Variants in GALNT7 observed in about 807,000 individuals in gnomAD.
GALNT7 encodes the protein N-acetylgalactosaminyltransferase 7.
GALNT7 carries 60 observed loss-of-function variants against 82.1 expected under a neutral mutation model. The observed-to-expected ratio is 0.73, with a 90% CI of 0.59 to 0.91. The LOEUF is 0.91. GALNT7 is among the 40% of genes least tolerant of loss of function. GALNT7 has a pLI of 0.00. For missense variants in GALNT7, 660 were observed against 804.2 expected, an observed-to-expected ratio of 0.82 and a Z score of 2.17; for synonymous variants, 243 against 275.1, an observed-to-expected ratio of 0.88 and a Z score of 1.15.
At chr4:173,239,409 G>A (rs576362635) in intron 1 of GALNT7, among the ~76,000 whole-genome samples, 2 of 152,184 alleles carry the variant, frequency 1.3e-5, no homozygotes, top group African/African-American at 4.8e-5. Flanking sequence ...CTAGGTACTC[G>A]GGACACACAG....
intron 1 of GALNT7, among the ~76,000 whole-genome samples, chr4:173,171,514 TAC>T (rs1413377910): frequency 6.6e-6 from 1 of 152,258 alleles, no homozygotes; most frequent in African/African-American, 2.4e-5. Context: ...GAATATGTCA[TAC>T]ACTAAATTCT....
intron 1 of GALNT7, among the ~76,000 whole-genome samples, chr4:173,182,661 T>TACACACACAC (rs60501649): frequency 1.5e-3 from 200 of 133,528 alleles, no homozygotes; most frequent in East Asian, 8.7e-3. Flanking sequence ...TTACTCATAA[T>TACACACACAC]ACACACACAC....
chr4:173,178,287 AG>A (rs1732136090), intron 1 of GALNT7, among the ~76,000 whole-genome samples: 1 of 152,130 alleles, frequency 6.6e-6, no homozygotes, highest in African/African-American at 2.4e-5. Context: ...ATTTGACTGA[AG>A]GATATTAAAA....
chr4:173,281,507 T>C (rs1400079817), intron 2 of GALNT7, among the ~76,000 whole-genome samples: 2 of 152,100 alleles, frequency 1.3e-5, no homozygotes, highest in Admixed American at 1.3e-4. Context: ...TCTCAACTCT[T>C]AGCTACCATC....
chr4:173,268,489 G>A (rs1735589023), intron 2 of GALNT7, among the ~76,000 whole-genome samples: 1 of 144,810 alleles, frequency 6.9e-6, no homozygotes, highest in Non-Finnish European at 1.5e-5. Flanking sequence ...AAAATCTGTG[G>A]CACCAAACAA....
rs147640815 is a variant in GALNT7, at chr4:173,315,622, T to G, written c.1608+1446T>G. Among the ~76,000 whole-genome samples, 7 of 152,292 alleles carry G rather than the reference T, an allele frequency of 4.6e-5. No individual in the cohort carries two copies. The East Asian group carries it at 1.3e-3, about 29-fold the overall frequency. Reference sequence around the variant, plus strand: ...AAAAACCAACAGAGGACACTCATGCTGCTCTCTCTGTACTTCTTGCTTTAA... The same window carrying G: ...AAAAACCAACAGAGGACACTCATGCGGCTCTCTCTGTACTTCTTGCTTTAA... On this transcript the variant is annotated intron_variant, in intron 9 of 11. Transcript: ENST00000265000.
intron 1 of GALNT7, among the ~76,000 whole-genome samples, chr4:173,216,727 A>ATGTTTTTTTTT (rs71244915): frequency 7.7e-5 from 1 of 12,982 alleles, no homozygotes; most frequent in Non-Finnish European, 1.4e-4. Flanking sequence ...ATATATATAT[A>ATGTTTTTTTTT]TTTTTTTTTT....
At chr4:173,179,390 T>A (rs1732175806) in intron 1 of GALNT7, among the ~76,000 whole-genome samples, 1 of 152,222 alleles carries the variant, frequency 6.6e-6, no homozygotes, top group African/African-American at 2.4e-5. Context: ...TGCTTATAAT[T>A]CTAGCATTTT....
intron 8 of GALNT7, among the ~76,000 whole-genome samples, chr4:173,308,912 A>G (rs1737268398): frequency 6.6e-6 from 1 of 152,214 alleles, no homozygotes. Flanking sequence ...CAAAAAAACA[A>G]AAAAATAGAG....
At chr4:173,174,996 C>T (rs1297916201) in intron 1 of GALNT7, among the ~76,000 whole-genome samples, 1 of 152,072 alleles carries the variant, frequency 6.6e-6, no homozygotes, top group African/African-American at 2.4e-5. Context: ...AAATAATTCA[C>T]GAATGAAAAG....
chr4:173,243,869 T>C (rs1156951740), intron 1 of GALNT7, among the ~76,000 whole-genome samples: 2 of 152,332 alleles, frequency 1.3e-5, no homozygotes, highest in Non-Finnish European at 2.9e-5. Flanking sequence ...TTTTGTATTT[T>C]CCATTCTTTA....
chr4:173,280,122 C>G (rs1415879530), intron 2 of GALNT7, among the ~76,000 whole-genome samples: 1 of 152,092 alleles, frequency 6.6e-6, no homozygotes, highest in African/African-American at 2.4e-5. Flanking sequence ...CTTGAGACTC[C>G]TAGTGAATGG....
intron 1 of GALNT7, among the ~76,000 whole-genome samples, chr4:173,227,355 A>T (rs996382418): frequency 2.0e-5 from 3 of 152,100 alleles, no homozygotes; most frequent in Admixed American, 2.0e-4. Flanking sequence ...GTTTTGAGAC[A>T]GTGTCTCGCT....
chr4:173,219,953 T>A (rs571442952), intron 1 of GALNT7, among the ~76,000 whole-genome samples: 2 of 152,366 alleles, frequency 1.3e-5, no homozygotes, highest in South Asian at 4.1e-4. Context: ...GTCTGTTTAC[T>A]CTGCTAATTA....
chr4:173,292,719 A>G lies in GALNT7; in HGVS notation c.754+445A>G, dbSNP rs1579996475. Among the ~76,000 whole-genome samples the G allele has an allele frequency of 1.3e-5, 2 of 152,202 alleles. No individual in the cohort carries two copies. The highest frequency in any genetic ancestry group is 4.8e-5 in the African/African-American group (2 of 41,458). The stretch of plus-strand genomic sequence containing the variant: ...GACATGATTAGAATCTTGAAACTGT[A>G]CACATATGTTAGCACGAATAAATAG... On this transcript the variant is annotated intron_variant, in intron 3 of 11. Transcript: ENST00000265000. The surrounding 1 kb of genome is among the most constrained non-coding windows in gnomAD (Gnocchi z 4.8).
chr4:173,302,125 C>T lies in GALNT7; in HGVS notation c.1227C>T (p.Leu409=), dbSNP rs1053902601. 5.1e-6 allele frequency: 8 copies of T among 1,580,360 alleles called. No individual in the cohort carries two copies. Among genetic ancestry groups the T allele is most frequent in the Non-Finnish European group, 7.0e-6 (8 of 1,149,410 alleles). The change falls in exon 7 of 12, where the codon CTC becomes CTT. Residue 409 remains leucine, a synonymous_variant. Coordinates refer to ENST00000265000, the MANE Select transcript of GALNT7 (RefSeq NM_017423.3). The surrounding 1 kb of genome is among the most constrained non-coding windows in gnomAD (Gnocchi z 4.2). ...AATTGGGTCTCTATGATCCAGGTCTCCAGATTTGGGGTGGTGAAAACTTTG... is the reference window on the plus strand; with the variant it reads ...AATTGGGTCTCTATGATCCAGGTCTTCAGATTTGGGGTGGTGAAAACTTTG... ...FFELGLYDPG[L]QIWGGENFEI... is the part of the protein sequence containing the mutation.
chr4:173,314,267 T>C, intron 9 of GALNT7, 91 bp downstream of exon 9: 2 of 907,034 alleles, frequency 2.2e-6, no homozygotes, highest in Non-Finnish European at 3.6e-6. Flanking sequence ...GGAAGTATTC[T>C]TGGGGAAAAG....
At chr4:173,195,350 G>T (rs148914986) in intron 1 of GALNT7, among the ~76,000 whole-genome samples, 3 of 151,988 alleles carry the variant, frequency 2.0e-5, no homozygotes, top group African/African-American at 7.3e-5. Context: ...ACTGGCTCTG[G>T]GCCTAGGCTA....
chr4:173,228,900 A>G (rs1409157848), intron 1 of GALNT7, among the ~76,000 whole-genome samples: 1 of 152,324 alleles, frequency 6.6e-6, no homozygotes, highest in East Asian at 1.9e-4. Flanking sequence ...GAAAATAATG[A>G]TCTTAGTGAG....
Sources: allele counts gnomAD v4.1 joint callset (sites outside exome capture counted in the v4.1 genomes callset), GRCh38; gene constraint gnomAD v4.1.1; non-coding constraint Gnocchi (gnomAD v3.1); transcripts MANE v1.5; gene names NCBI Gene and HGNC (gene_info 2026-07-23, HGNC 2026-07-21).